The following NEBL variants were observed in gnomAD, a reference collection of about 807,000 sequenced individuals.
NEBL encodes the protein LIM and SH3 protein 2.
Under a neutral mutation model 140.2 loss-of-function variants are expected in NEBL, and 122 were observed. The ratio of observed to expected loss-of-function variants is 0.87; its 90% CI spans 0.75 to 1.01. NEBL has a LOEUF of 1.01. Among genes scored for constraint, NEBL ranks in the 50% least tolerant of loss-of-function variants. NEBL has a pLI of 0.00. For synonymous variants in NEBL, 436 were observed against 398.9 expected (o/e 1.09, Z -1.11); for missense variants, 1,365 against 1,231.3 (o/e 1.11, Z -1.62).
intron 19 of NEBL, among the ~76,000 whole-genome samples, chr10:20,820,525 G>A (rs1287925614): frequency 1.3e-5 from 2 of 152,168 alleles, no homozygotes; most frequent in Non-Finnish European, 2.9e-5. Flanking sequence ...TGCAGGGCCT[G>A]CTGATGAAAC....
intron 2 of NEBL, among the ~76,000 whole-genome samples, chr10:21,062,393 G>A (rs1835344849): frequency 6.6e-6 from 1 of 152,132 alleles, no homozygotes; most frequent in Non-Finnish European, 1.5e-5. Context: ...TGGTGTAGTG[G>A]CTCTCGCCTG....
At chr10:21,206,680 G>C (rs1841830613) in intron 3 of NEBL, among the ~76,000 whole-genome samples, 1 of 152,210 alleles carries the variant, frequency 6.6e-6, no homozygotes, top group South Asian at 2.1e-4. Flanking sequence ...TCACCAAGGA[G>C]TTTGAGGCTA....
At chr10:21,149,149 T>C (rs1589285900) in intron 2 of NEBL, among the ~76,000 whole-genome samples, 1 of 152,110 alleles carries the variant, frequency 6.6e-6, no homozygotes, top group Non-Finnish European at 1.5e-5. Context: ...CGGTGAAGCG[T>C]CCCAAAAAGG....
At chr10:20,911,980 G>C (rs1471894024) in intron 4 of NEBL, among the ~76,000 whole-genome samples, 3 of 152,172 alleles carry the variant, frequency 2.0e-5, no homozygotes, top group Non-Finnish European at 4.4e-5. Context: ...AAGTTTTCGT[G>C]TCATCGCAAA....
Position 21,173,977 on chromosome 10 carries a change from C to T in NEBL, c.-144G>A. The T allele has an allele frequency of 3.7e-6, 5 of 1,343,232 alleles. No individual in the cohort carries two copies. The highest frequency in any genetic ancestry group is 4.7e-6 in the Non-Finnish European group (5 of 1,056,068). 83.2% of individuals were successfully genotyped at this position (1,343,232 alleles called of 1,614,324 possible). ...GCCGGGTAGGGAGTCGGCGCCGGGC[C>T]ACGGGTGAGTGCACGGGGAGGGCGA... On this transcript the variant is annotated 5_prime_UTR_variant, in exon 1 of 7. Coordinates refer to the NEBL transcript ENST00000417816. The surrounding 1 kb of genome is among the most constrained non-coding windows in gnomAD (Gnocchi z 5.7).
chr10:20,830,066 A>C (rs1840258716), intron 16 of NEBL, among the ~76,000 whole-genome samples: 1 of 152,226 alleles, frequency 6.6e-6, no homozygotes, highest in African/African-American at 2.4e-5. Flanking sequence ...GTTCACGAAC[A>C]CTGAGAACAG....
At chr10:20,893,359 A>G (rs1391686989) in intron 2 of NEBL, among the ~76,000 whole-genome samples, 1 of 152,220 alleles carries the variant, frequency 6.6e-6, no homozygotes, top group Admixed American at 6.5e-5. Flanking sequence ...CTGTGAAAAT[A>G]TATCTGAGAA....
intron 2 of NEBL, among the ~76,000 whole-genome samples, chr10:21,138,901 CTAAG>C (rs943847882): frequency 1.6e-4 from 24 of 151,644 alleles, no homozygotes; most frequent in Admixed American, 7.9e-4. Context: ...TCCAGACACT[CTAAG>C]TAAGCAAAAT....
intron 4 of NEBL, among the ~76,000 whole-genome samples, chr10:20,929,758 G>A (rs1834090334): frequency 6.6e-6 from 1 of 150,930 alleles, no homozygotes; most frequent in African/African-American, 2.4e-5. Flanking sequence ...AGTGGGGAGG[G>A]TGGGAGGGGA....
intron 2 of NEBL, among the ~76,000 whole-genome samples, chr10:21,108,289 G>T (rs970654015): frequency 1.3e-5 from 2 of 152,040 alleles, no homozygotes; most frequent in African/African-American, 2.4e-5. Context: ...TCTTTCTCTT[G>T]TGGGCATTTA....
rs1317771112 is a variant in NEBL, at chr10:21,017,104, A to G, written c.249+3013T>C. 2.0e-5 allele frequency among the ~76,000 whole-genome samples: 3 copies of G among 152,352 alleles called. No homozygotes were observed. The East Asian group carries it at 5.8e-4, about 29-fold the overall frequency. On this transcript the variant is annotated intron_variant, in intron 3 of 6. Coordinates refer to the NEBL transcript ENST00000417816. ...GCTCAGAGATCTAGGTCCCATTCCA[A>G]GACCTATTCCGTACCAGCTAAGTGT...
chr10:21,183,559 A>G (rs1368603285), intron 3 of NEBL, among the ~76,000 whole-genome samples: 1 of 152,220 alleles, frequency 6.6e-6, no homozygotes, highest in Admixed American at 6.5e-5. Context: ...GGGCAGTCTC[A>G]AAGACAAATG....
intron 14 of NEBL, among the ~76,000 whole-genome samples, chr10:20,832,840 G>C (rs1840544907): frequency 6.6e-6 from 1 of 152,032 alleles, no homozygotes; most frequent in Non-Finnish European, 1.5e-5. Flanking sequence ...TACACTCCCA[G>C]TATCACTTTT....
chr10:20,907,921 T>C (rs1045511052), intron 4 of NEBL, among the ~76,000 whole-genome samples: 18 of 152,222 alleles, frequency 1.2e-4, no homozygotes, highest in African/African-American at 4.1e-4. Flanking sequence ...CAGAATGATA[T>C]TCAAGGTCTT....
chr10:21,038,579 T>C (rs1385518184), intron 2 of NEBL, among the ~76,000 whole-genome samples: 1 of 152,246 alleles, frequency 6.6e-6, no homozygotes, highest in Non-Finnish European at 1.5e-5. Flanking sequence ...CCATGGTGCA[T>C]ATGTGCCACA....
At chr10:20,839,699 G>C (rs1052162548) in intron 13 of NEBL, among the ~76,000 whole-genome samples, 1 of 152,150 alleles carries the variant, frequency 6.6e-6, no homozygotes, top group Non-Finnish European at 1.5e-5. Flanking sequence ...GTGACCATGA[G>C]AGGATAATCA....
At chr10:20,952,164 G>A (rs781214524) in intron 4 of NEBL, among the ~76,000 whole-genome samples, 1 of 152,116 alleles carries the variant, frequency 6.6e-6, no homozygotes, top group African/African-American at 2.4e-5. Context: ...GGGCCAGGCG[G>A]GGTGGCTCAC....
chr10:21,014,768 G>A (rs1838487550), intron 3 of NEBL, among the ~76,000 whole-genome samples: 1 of 152,050 alleles, frequency 6.6e-6, no homozygotes, highest in African/African-American at 2.4e-5. Flanking sequence ...AGCTTCCAAA[G>A]GTTTATACTA....
intron 2 of NEBL, among the ~76,000 whole-genome samples, chr10:21,098,295 G>A (rs1837296843): frequency 6.6e-6 from 1 of 152,032 alleles, no homozygotes; most frequent in Non-Finnish European, 1.5e-5. Context: ...AGAAATGAAA[G>A]GAGACATTTT....
Sources: gnomAD v4.1 joint callset for allele counts (sites outside exome capture counted in the v4.1 genomes callset) on GRCh38, gnomAD v4.1.1 for gene constraint, Gnocchi (gnomAD v3.1) non-coding constraint, MANE v1.5 for transcripts, NCBI Gene and HGNC (gene_info 2026-07-23, HGNC 2026-07-21) for gene names.